NSMAF: variants seen among roughly 807,000 people sequenced by gnomAD.
NSMAF encodes neutral sphingomyelinase activation associated factor.
NSMAF carries 90 observed loss-of-function variants against 134.9 expected under a neutral mutation model. That is an observed-to-expected ratio of 0.67 (90% CI 0.56 to 0.79). The LOEUF is 0.79. NSMAF is among the 30% of genes least tolerant of loss of function. The pLI, the probability that NSMAF is intolerant of heterozygous loss-of-function variation, is 0.00. For synonymous variants in NSMAF, 358 were observed against 389.6 expected (o/e 0.92, Z 0.96); for missense variants, 1,010 against 1,119.0 (o/e 0.90, Z 1.39).
intron 10 of NSMAF, among the ~76,000 whole-genome samples, chr8:58,609,191 G>T (rs927871978): frequency 6.6e-6 from 1 of 152,168 alleles, no homozygotes; most frequent in African/African-American, 2.4e-5. Flanking sequence ...TCATCATTAA[G>T]AAGAAGCAAG....
intron 19 of NSMAF, among the ~76,000 whole-genome samples, chr8:58,598,369 G>A (rs770674646): frequency 6.6e-6 from 1 of 151,276 alleles, no homozygotes; most frequent in Non-Finnish European, 1.5e-5. Context: ...AAAAAACTCT[G>A]GCAGCTACTT....
chr8:58,640,793 C>T (rs1807317180), intron 2 of NSMAF, among the ~76,000 whole-genome samples: 1 of 152,052 alleles, frequency 6.6e-6, no homozygotes, highest in Middle Eastern at 3.2e-3. Context: ...AACTCCTGGC[C>T]ACAAGAGATC....
intron 12 of NSMAF, among the ~76,000 whole-genome samples, 186 bp downstream of exon 12, chr8:58,605,741 G>A (rs1227000356): frequency 3.3e-5 from 5 of 151,820 alleles, no homozygotes; most frequent in South Asian, 2.1e-4. Flanking sequence ...TTAGCCTGGC[G>A]TGGTAGCGGG....
chr8:58,587,529 A>G, intron 27 of NSMAF, 89 bp downstream of exon 27: 1 of 1,004,328 alleles, frequency 1.0e-6, no homozygotes, highest in Non-Finnish European at 1.5e-6. Flanking sequence ...ATAAAGCAAA[A>G]CAACATGAAC....
chr8:58,607,667 A>C (rs747402395), intron 11 of NSMAF, 102 bp downstream of exon 11: 111 of 863,246 alleles, frequency 1.3e-4, no homozygotes, highest in Middle Eastern at 4.4e-4. Context: ...AGGACAGTGT[A>C]CTTGTACTTT....
chr8:58,659,097 G>A lies in NSMAF; in HGVS notation c.59+476C>T, dbSNP rs573405765. The A allele has an allele frequency of 2.7e-4, 279 of 1,046,046 alleles. 2 individuals are homozygous for A. The East Asian group carries it at 9.0e-3, about 34-fold the overall frequency. The allele number at this position is 1,046,046 out of a possible 1,614,324, so 64.8% of individuals were successfully genotyped here. A position where few individuals can be genotyped will look rare whatever the true frequency, so the allele number is the denominator to read the frequency against. ...GTGGGTGGTCGCCGGCCTGCTCGGTGCCGCCCGGCGACCAACTCTGCGGCG... is the reference window on the plus strand; with the variant it reads ...GTGGGTGGTCGCCGGCCTGCTCGGTACCGCCCGGCGACCAACTCTGCGGCG... On this transcript the variant is annotated intron_variant, in intron 1 of 30. Coordinates refer to ENST00000038176, the MANE Select transcript of NSMAF (RefSeq NM_003580.4).
chr8:58,605,082 T>C (rs1365205728), intron 12 of NSMAF, among the ~76,000 whole-genome samples: 1 of 152,174 alleles, frequency 6.6e-6, no homozygotes, highest in Non-Finnish European at 1.5e-5. Context: ...TTTCCAGTTA[T>C]CTAGCAACTT....
chr8:58,590,105 C>G, intron 24 of NSMAF, 31 bp from the exon 25 acceptor site: 2 of 1,570,878 alleles, frequency 1.3e-6, no homozygotes, highest in Non-Finnish European at 1.8e-6. Context: ...CGTTAACAAT[C>G]TATAATAATT....
intron 19 of NSMAF, 62 bp downstream of exon 19, chr8:58,599,170 G>GA: frequency 6.7e-7 from 1 of 1,491,234 alleles, no homozygotes; most frequent in Non-Finnish European, 9.1e-7. Context: ...ATTTTCCAAT[G>GA]AAAATGAATA....
chr8:58,630,001 T>C (rs936226740), intron 6 of NSMAF, among the ~76,000 whole-genome samples: 2 of 152,196 alleles, frequency 1.3e-5, no homozygotes, highest in African/African-American at 4.8e-5. Flanking sequence ...GCAGCTCCCC[T>C]GAAAAGTCAG....
At position 58,600,029 on chromosome 8, in the gene NSMAF, T is replaced by A. The variant is rs377255677; in HGVS notation, c.1281-8A>T. The stretch of plus-strand genomic sequence containing the variant: ...TTCCAAGTTTCTGCAATACTACATA[T>A]GAAAAAAAAATTCACCTATTTTCAG... On this transcript the variant is annotated splice_region_variant and splice_polypyrimidine_tract_variant and intron_variant, in intron 16 of 30. Transcript: ENST00000038176. 8.7e-5 allele frequency: 140 copies of A among 1,608,446 alleles called. No homozygotes were observed. The highest frequency in any genetic ancestry group is 1.5e-4 in the Admixed American group (9 of 59,114).
At chr8:58,596,060 C>T (rs1002563114) in intron 21 of NSMAF, among the ~76,000 whole-genome samples, 6 of 152,128 alleles carry the variant, frequency 3.9e-5, no homozygotes, top group East Asian at 1.9e-4. Flanking sequence ...AATCAATTAC[C>T]GCAAGGGCTT....
At chr8:58,645,385 G>A (rs995051902) in intron 1 of NSMAF, among the ~76,000 whole-genome samples, 4 of 152,150 alleles carry the variant, frequency 2.6e-5, no homozygotes, top group Non-Finnish European at 5.9e-5. Flanking sequence ...AGTTTGCTGA[G>A]AATTATGGTT....
At position 58,612,395 on chromosome 8, in the gene NSMAF, C is replaced by G. The variant is rs560119536; in HGVS notation, c.558-2662G>C. 3.2e-4 allele frequency among the ~76,000 whole-genome samples: 49 copies of G among 152,330 alleles called. No homozygotes were observed. The South Asian group carries it at 9.9e-3, about 31-fold the overall frequency. On this transcript the variant is annotated intron_variant, in intron 9 of 30. Transcript: ENST00000038176. ...TACCCTCACTCCACAGGGACAGAAGCTCCTGCACTCAGGACCCTTCCTTCC... is the reference window on the plus strand; with the variant it reads ...TACCCTCACTCCACAGGGACAGAAGGTCCTGCACTCAGGACCCTTCCTTCC...
intron 5 of NSMAF, among the ~76,000 whole-genome samples, chr8:58,632,702 G>C (rs766637842): frequency 6.6e-6 from 1 of 152,134 alleles, no homozygotes; most frequent in Non-Finnish European, 1.5e-5. Context: ...GAAACTTCCA[G>C]CTCCCCAGTA....
At chr8:58,628,699 C>T (rs1585751937) in intron 6 of NSMAF, among the ~76,000 whole-genome samples, 1 of 152,136 alleles carries the variant, frequency 6.6e-6, no homozygotes, top group South Asian at 2.1e-4. Flanking sequence ...CTCACTTTAG[C>T]ATTTCCTATA....
chr8:58,599,371 A>G lies in NSMAF; in HGVS notation c.1454-8T>C, dbSNP rs777089435. 8.1e-6 allele frequency: 13 copies of G among 1,611,512 alleles called. No homozygotes were observed. The South Asian group carries it at 1.2e-4, about 15-fold the overall frequency. The stretch of plus-strand genomic sequence containing the variant: ...GGAGAAAGTCCTCGGGACCTATTAG[A>G]TTAGACTCAATCGAAAAATCATGGA... On this transcript the variant is annotated splice_polypyrimidine_tract_variant and splice_region_variant and intron_variant, in intron 18 of 30. Transcript: ENST00000038176.
chr8:58,611,930 C>G, intron 9 of NSMAF, among the ~76,000 whole-genome samples: 1 of 152,152 alleles, frequency 6.6e-6, no homozygotes, highest in African/African-American at 2.4e-5. Flanking sequence ...TTCTGAAACT[C>G]TATGTGACAT....
chr8:58,592,377 C>CA (rs900124418), intron 23 of NSMAF, among the ~76,000 whole-genome samples: 4 of 152,018 alleles, frequency 2.6e-5, no homozygotes, highest in Non-Finnish European at 2.9e-5. Flanking sequence ...CAAGGATCCC[C>CA]TGTACTAGAG....
Sources: allele counts gnomAD v4.1 joint callset (sites outside exome capture counted in the v4.1 genomes callset), GRCh38; gene constraint gnomAD v4.1.1; transcripts MANE v1.5; gene names NCBI Gene and HGNC (gene_info 2026-07-23, HGNC 2026-07-21).